COL22A1: variants seen among roughly 807,000 people sequenced by gnomAD.
The protein encoded by COL22A1 is collagen alpha-1(XXII) chain.
A neutral mutation model predicts 248.9 loss-of-function variants in COL22A1; 221 were observed. The observed-to-expected ratio is 0.89, with a 90% CI of 0.80 to 0.99. COL22A1 has a LOEUF of 0.99. Among genes scored for constraint, COL22A1 ranks in the 50% least tolerant of loss-of-function variants. The pLI, the probability that COL22A1 is intolerant of heterozygous loss-of-function variation, is 0.00. For synonymous variants in COL22A1, 891 were observed against 793.4 expected (o/e 1.12, Z -2.07); for missense variants, 2,240 against 2,179.0 (o/e 1.03, Z -0.56).
intron 1 of COL22A1, among the ~76,000 whole-genome samples, chr8:138,894,952 A>G (rs1029172622): frequency 3.3e-5 from 5 of 152,020 alleles, no homozygotes; most frequent in African/African-American, 1.2e-4. Context: ...CCAGCTACTC[A>G]GAAGGTGGAG....
At chr8:138,831,252 C>A (rs1820024903) in intron 5 of COL22A1, among the ~76,000 whole-genome samples, 1 of 152,152 alleles carries the variant, frequency 6.6e-6, no homozygotes, top group Admixed American at 6.5e-5. Context: ...GCGTTCAAAG[C>A]CAGTCTTTGC....
At chr8:138,817,185 G>A (rs1030725219) in intron 7 of COL22A1, among the ~76,000 whole-genome samples, 1 of 152,208 alleles carries the variant, frequency 6.6e-6, no homozygotes, top group African/African-American at 2.4e-5. Context: ...TGGGAGCACT[G>A]GTAGCAGAGC....
intron 3 of COL22A1, among the ~76,000 whole-genome samples, chr8:138,852,775 T>G (rs1821739229): frequency 6.7e-6 from 1 of 149,364 alleles, no homozygotes. Context: ...GAGAGGGAGG[T>G]CCGCAGTGTA....
At chr8:138,646,715 C>T in intron 46 of COL22A1, 33 bp from the exon 47 acceptor site, 1 of 1,500,016 alleles carries the variant, frequency 6.7e-7, no homozygotes, top group Non-Finnish European at 9.0e-7. Flanking sequence ...AAAAAGAAAA[C>T]AAGAATGAGT....
chr8:138,695,208 T>C (rs1827410636), intron 32 of COL22A1, among the ~76,000 whole-genome samples: 1 of 152,148 alleles, frequency 6.6e-6, no homozygotes, highest in African/African-American at 2.4e-5. Flanking sequence ...CTTAGTTGTG[T>C]GGTTTGATTC....
chr8:138,682,377 T>C (rs997869269), intron 39 of COL22A1, among the ~76,000 whole-genome samples: 3 of 152,364 alleles, frequency 2.0e-5, no homozygotes, highest in East Asian at 1.9e-4. Flanking sequence ...ATTGTTTTCA[T>C]AGACATATGC....
At chr8:138,755,391 C>T in intron 20 of COL22A1, 91 bp downstream of exon 20, 1 of 1,396,790 alleles carries the variant, frequency 7.2e-7, no homozygotes, top group Non-Finnish European at 1.0e-6. Context: ...TGAAAGGCTC[C>T]ATCTGAGTTC....
chr8:138,805,458 GGT>G (rs1413102530), intron 10 of COL22A1, among the ~76,000 whole-genome samples: 2 of 142,118 alleles, frequency 1.4e-5, no homozygotes, highest in African/African-American at 5.4e-5. Flanking sequence ...TGTGTGTGAT[GGT>G]GTGTGTGTAA....
chr8:138,766,462 A>G (rs1405548374), intron 16 of COL22A1, among the ~76,000 whole-genome samples: 3 of 100,424 alleles, frequency 3.0e-5, no homozygotes, highest in Non-Finnish European at 4.7e-5. Context: ...GGAGAGACAG[A>G]TGGAGACAGA....
At chr8:138,697,853 C>A (rs62527940) in intron 32 of COL22A1, among the ~76,000 whole-genome samples, 9,412 of 152,292 alleles carry the variant, frequency 0.062, 392 homozygotes, top group Non-Finnish European at 0.093. Context: ...GTGACGAAGC[C>A]AGTCCCGGGG....
At chr8:138,861,261 G>A (rs1448446515) in intron 3 of COL22A1, among the ~76,000 whole-genome samples, 5 of 152,294 alleles carry the variant, frequency 3.3e-5, no homozygotes, top group Middle Eastern at 3.4e-3. Flanking sequence ...TCCACTCACC[G>A]CTTCCGGGCT....
Position 138,589,281 on chromosome 8 carries a change from G to T in COL22A1, c.4853C>A (p.Ala1618Asp). Residue 1618 changes from alanine to aspartate, a missense_variant, in exon 65 of 65, where the codon GCC becomes GAC. By Grantham distance (126) the Ala-to-Asp change is moderately radical. Transcript: ENST00000303045. ...SQCAYFASLAARPGNVKGP is the reference protein window; with the variant it reads ...SQCAYFASLADRPGNVKGP ...GGGACCCTTCACATTACCCGGCCGG[G>T]CAGCAAGGCTGGCGAAGTAGGCACA... The T allele has an allele frequency of 1.2e-6, 2 of 1,613,790 alleles. No individual in the cohort carries two copies. Among genetic ancestry groups the T allele is most frequent in the Non-Finnish European group, 1.7e-6 (2 of 1,179,848 alleles).
intron 49 of COL22A1, among the ~76,000 whole-genome samples, chr8:138,632,498 G>T (rs900137855): frequency 1.3e-5 from 2 of 152,090 alleles, no homozygotes; most frequent in African/African-American, 2.4e-5. Context: ...AAATATAAAA[G>T]CATAAATAAG....
At chr8:138,802,381 T>C (rs543764688) in intron 11 of COL22A1, among the ~76,000 whole-genome samples, 1 of 152,156 alleles carries the variant, frequency 6.6e-6, no homozygotes, top group African/African-American at 2.4e-5. Context: ...AGTCCTCTGA[T>C]GCTGGGATGG....
intron 1 of COL22A1, among the ~76,000 whole-genome samples, chr8:138,898,318 A>C (rs75077423): frequency 0.028 from 4,207 of 152,266 alleles, 94 homozygotes; most frequent in Non-Finnish European, 0.045. Flanking sequence ...CAGAAATGGA[A>C]ACACCCTGGC....
At chr8:138,740,820 G>C (rs1831499668) in intron 22 of COL22A1, among the ~76,000 whole-genome samples, 1 of 152,172 alleles carries the variant, frequency 6.6e-6, no homozygotes, top group South Asian at 2.1e-4. Flanking sequence ...AGAAGCCTCA[G>C]GGTAACATCT....
intron 3 of COL22A1, among the ~76,000 whole-genome samples, chr8:138,873,662 G>A (rs143150015): frequency 6.6e-6 from 1 of 152,150 alleles, no homozygotes; most frequent in African/African-American, 2.4e-5. Context: ...TTTCCCTCTC[G>A]AGGACAAAGA....
intron 37 of COL22A1, 115 bp from the exon 38 acceptor site, chr8:138,685,427 G>C (rs1012866635): frequency 1.3e-6 from 1 of 775,622 alleles, no homozygotes; most frequent in African/African-American, 1.8e-5. Flanking sequence ...TATGATTTTA[G>C]AAGGCCCATG....
chr8:138,707,213 G>T, intron 30 of COL22A1, among the ~76,000 whole-genome samples: 1 of 152,300 alleles, frequency 6.6e-6, no homozygotes, highest in East Asian at 1.9e-4. Flanking sequence ...GAGGTACAAA[G>T]AGGAGCTGGT....
Sources: gnomAD v4.1 joint callset for allele counts (sites outside exome capture counted in the v4.1 genomes callset) on GRCh38, gnomAD v4.1.1 for gene constraint, MANE v1.5 for transcripts, NCBI Gene and HGNC (gene_info 2026-07-23, HGNC 2026-07-21) for gene names.